EHBP1: variants seen among roughly 807,000 people sequenced by gnomAD.
EHBP1 encodes EH domain-binding protein 1.
Under a neutral mutation model 144.0 loss-of-function variants are expected in EHBP1, and 55 were observed. The ratio of observed to expected loss-of-function variants is 0.38; its 90% CI spans 0.31 to 0.48. The LOEUF (loss-of-function observed/expected upper bound fraction) is 0.48, where lower values mean the gene tolerates loss of function less well. Ranked by LOEUF, EHBP1 falls within the 20% of genes least tolerant of loss-of-function variation. The pLI, the probability that EHBP1 is intolerant of heterozygous loss-of-function variation, is 0.98. For synonymous variants in EHBP1, 469 were observed against 472.7 expected (o/e 0.99, Z 0.10); for missense variants, 1,200 against 1,364.2 (o/e 0.88, Z 1.90).
At chr2:62,906,008 T>TA (rs57935133) in intron 10 of EHBP1, among the ~76,000 whole-genome samples, 20,287 of 151,474 alleles carry the variant, frequency 0.13, 1,699 homozygotes, top group Admixed American at 0.19. Context: ...ACGTTGTATA[T>TA]AAAAAAAAAC....
In EHBP1 at chr2:62,707,301, A is replaced by G. The variant is rs1452894282; in HGVS notation, c.104+6A>G. 1 of 1,607,288 alleles carries G rather than the reference A, an allele frequency of 6.2e-7. No homozygotes were observed. Among genetic ancestry groups the G allele is most frequent in the African/African-American group, 1.3e-5 (1 of 74,918 alleles). ...GTTGAGTGTACGAAGAAATGGTAAGATGTACCTGGAGGTAGATTTTGCTGT... is the reference window on the plus strand; with the variant it reads ...GTTGAGTGTACGAAGAAATGGTAAGGTGTACCTGGAGGTAGATTTTGCTGT... On this transcript the variant is annotated splice_donor_region_variant and intron_variant, in intron 2 of 22. Coordinates refer to ENST00000431489, the MANE Select transcript of EHBP1 (RefSeq NM_001142616.3).
intron 5 of EHBP1, among the ~76,000 whole-genome samples, chr2:62,787,400 C>CG (rs1558669118): frequency 8.7e-6 from 1 of 114,468 alleles, no homozygotes; most frequent in Non-Finnish European, 1.8e-5. Context: ...CGCTGCCCCC[C>CG]CCCCCCACCC....
chr2:62,975,287 TTGGAA>T (rs2058662050), intron 14 of EHBP1, among the ~76,000 whole-genome samples: 1 of 152,168 alleles, frequency 6.6e-6, no homozygotes, highest in Admixed American at 6.5e-5. Context: ...TGACCTAGCC[TTGGAA>T]ATCACCTGCA....
intron 14 of EHBP1, among the ~76,000 whole-genome samples, chr2:62,967,117 C>G (rs1034716639): frequency 1.3e-5 from 2 of 152,160 alleles, no homozygotes; most frequent in Non-Finnish European, 2.9e-5. Context: ...TTGATCGTGG[C>G]ATGTGTGCAT....
rs192929051 is a variant in EHBP1, at chr2:62,905,877, G to A, written c.1185+31345G>A. Among the ~76,000 whole-genome samples, 154 of 152,188 alleles carry A rather than the reference G, an allele frequency of 1.0e-3. 1 individual carries two copies. The highest frequency in any genetic ancestry group is 3.6e-3 in the African/African-American group (148 of 41,526). ...ATGGCAGGAGGAAGCAGGAGTAAAA[G>A]CAGGAGAGAATAGAAACAAATAGTC... On this transcript the variant is annotated intron_variant, in intron 10 of 22. Coordinates refer to ENST00000431489, the MANE Select transcript of EHBP1 (RefSeq NM_001142616.3).
chr2:62,733,891 A>C (rs954065143), intron 2 of EHBP1, among the ~76,000 whole-genome samples: 4 of 152,250 alleles, frequency 2.6e-5, no homozygotes, highest in South Asian at 4.2e-4. Flanking sequence ...GGTACTGTGG[A>C]GCATACTGGT....
At chr2:62,874,670 C>A in intron 10 of EHBP1, 138 bp downstream of exon 10, 1 of 673,256 alleles carries the variant, frequency 1.5e-6, no homozygotes, top group Non-Finnish European at 2.4e-6. Context: ...TATTGTACTG[C>A]AACACTGCAT....
At position 62,949,069 on chromosome 2, in the gene EHBP1, G is replaced by A. The variant is rs774430472; in HGVS notation, c.2223G>A (p.Lys741=). The part of the protein sequence containing the change: ...YSYSRDLDLA[K]KKHASLRQTE... ...ATAGTAGAGATCTAGACCTTGCTAA[G>A]AAAAAACATGCTTCCCTGAGGCAGA... The change falls in exon 13 of 23, where the codon AAG becomes AAA. Residue 741 remains lysine, a synonymous_variant. Coordinates refer to ENST00000431489, the MANE Select transcript of EHBP1 (RefSeq NM_001142616.3). 2 of 1,607,262 alleles carry A rather than the reference G, an allele frequency of 1.2e-6. No individual in the cohort carries two copies. The highest frequency in any genetic ancestry group is 1.1e-5 in the South Asian group (1 of 89,002).
Position 62,868,793 on chromosome 2 carries a change from A to T in EHBP1, c.998+3822A>T, listed in dbSNP as rs560936029. Among the ~76,000 whole-genome samples, 584 of 151,350 alleles carry T rather than the reference A, an allele frequency of 3.9e-3. 14 individuals carry two copies. Among genetic ancestry groups the T allele is most frequent in the Admixed American group, 0.023 (345 of 15,176 alleles). On this transcript the variant is annotated intron_variant, in intron 9 of 22. Transcript: ENST00000431489. Reference sequence around the variant, plus strand: ...CAAGAGTCTATCTCTTAAAAAAAAAATTTTTTTTTAATTAGCTGGGTGTGA... The same window carrying T: ...CAAGAGTCTATCTCTTAAAAAAAAATTTTTTTTTTAATTAGCTGGGTGTGA...
chr2:62,704,422 C>G (rs1315282534), upstream of EHBP1, among the ~76,000 whole-genome samples: 1 of 152,232 alleles, frequency 6.6e-6, no homozygotes, highest in Admixed American at 6.5e-5. Flanking sequence ...CATCACTGCT[C>G]TCTCTTCCTG....
chr2:63,003,497 G>A (rs1336589863), intron 19 of EHBP1, among the ~76,000 whole-genome samples: 2 of 152,006 alleles, frequency 1.3e-5, no homozygotes, highest in Non-Finnish European at 2.9e-5. Context: ...TTACAGAAGG[G>A]AATGTGCATA....
intron 3 of EHBP1, among the ~76,000 whole-genome samples, chr2:62,749,988 T>A (rs1205518708): frequency 6.6e-6 from 1 of 152,350 alleles, no homozygotes; most frequent in East Asian, 1.9e-4. Context: ...TTTAGTTTAA[T>A]TAAGTACCAT....
rs372395353 is a variant in EHBP1, at chr2:62,955,546, T to C, written c.2346T>C (p.Leu782=). The C allele has an allele frequency of 1.2e-6, 2 of 1,612,594 alleles. No homozygotes were observed. Among genetic ancestry groups the C allele is most frequent in the African/African-American group, 2.7e-5 (2 of 74,910 alleles). Residue 782 remains leucine (L), a synonymous_variant, in exon 14 of 23, where the codon CTT becomes CTC. Transcript: ENST00000431489. ...GATTGTTATCTAGACAAGAAGAACTTAAGGAAAGAGCAAGAGTTCTGCTTG... is the reference window on the plus strand; with the variant it reads ...GATTGTTATCTAGACAAGAAGAACTCAAGGAAAGAGCAAGAGTTCTGCTTG... ...QHRLLSRQEE[L]KERARVLLEQ... is the part of the protein sequence containing the mutation.
intron 10 of EHBP1, among the ~76,000 whole-genome samples, chr2:62,889,716 G>T (rs1181142356): frequency 6.6e-6 from 1 of 152,032 alleles, no homozygotes; most frequent in Admixed American, 6.6e-5. Context: ...TAAGGATGTG[G>T]CCTCATTTCT....
chr2:62,940,277 G>A (rs533155784), intron 10 of EHBP1: 174 of 253,648 alleles, frequency 6.9e-4, no homozygotes, highest in Non-Finnish European at 1.1e-3. Flanking sequence ...AGTCACCATT[G>A]CAGATGCTTA....
chr2:62,828,625 G>A (rs1212111150), intron 6 of EHBP1, among the ~76,000 whole-genome samples: 1 of 152,170 alleles, frequency 6.6e-6, no homozygotes, highest in East Asian at 1.9e-4. Context: ...AGATTTAAGT[G>A]TGATTTACAG....
intron 10 of EHBP1, among the ~76,000 whole-genome samples, chr2:62,897,415 G>T (rs949174648): frequency 6.6e-6 from 1 of 152,062 alleles, no homozygotes; most frequent in Non-Finnish European, 1.5e-5. Context: ...GAATAACCTT[G>T]TACATATATT....
Position 62,680,569 on chromosome 2 carries a change from A to G in EHBP1, c.-296+6486A>G, listed in dbSNP as rs2033477862. 2.6e-5 allele frequency among the ~76,000 whole-genome samples: 4 copies of G among 152,306 alleles called. No homozygotes were observed. In the South Asian group the frequency reaches 6.2e-4, roughly 24 times the overall value. ...TATTGTTGCATTGCAGTGTTTGCTC[A>G]TTTCAAAATCAGTTTTGCATAAAAC... On this transcript the variant is annotated intron_variant, in intron 1 of 22. Coordinates refer to the EHBP1 transcript ENST00000405015.
chr2:62,845,249 A>G (rs1010400101), intron 7 of EHBP1, among the ~76,000 whole-genome samples: 1 of 152,194 alleles, frequency 6.6e-6, no homozygotes, highest in South Asian at 2.1e-4. Context: ...CACCAGCTAT[A>G]TAATTCATTC....
Sources: gnomAD v4.1 joint callset for allele counts (sites outside exome capture counted in the v4.1 genomes callset) on GRCh38, gnomAD v4.1.1 for gene constraint, MANE v1.5 for transcripts, NCBI Gene and HGNC (gene_info 2026-07-23, HGNC 2026-07-21) for gene names.